Variants in NLRC3 observed in about 807,000 individuals in gnomAD.
NLRC3 encodes NLR family CARD domain-containing protein 3.
A neutral mutation model predicts 91.6 loss-of-function variants in NLRC3; 87 were observed. The ratio of observed to expected loss-of-function variants is 0.95; its 90% CI spans 0.80 to 1.14. The LOEUF is 1.14. Among genes scored for constraint, NLRC3 ranks in the 50% most tolerant of loss-of-function variants. The pLI is 0.00. For missense variants in NLRC3, 1,577 were observed against 1,418.6 expected, an observed-to-expected ratio of 1.11 and a Z score of -1.79; for synonymous variants, 694 against 625.3, an observed-to-expected ratio of 1.11 and a Z score of -1.64.
At chr16:3,561,090 G>T (rs966960447) in intron 6 of NLRC3, among the ~76,000 whole-genome samples, 4 of 151,530 alleles carry the variant, frequency 2.6e-5, no homozygotes, top group Non-Finnish European at 4.4e-5. Context: ...AGTAGCTCAC[G>T]CCAGTAATCC....
chr16:3,543,796 A>G (rs908655111), intron 16 of NLRC3: 1 of 441,414 alleles, frequency 2.3e-6, no homozygotes, highest in Non-Finnish European at 4.1e-6. Flanking sequence ...TTGAGCCCCC[A>G]ACTGCTAATA....
chr16:3,564,655 C>T lies in NLRC3; in HGVS notation c.282G>A (p.Glu94=), dbSNP rs117535120. ...WHRLASLLLV[E]GLTDLQLREH... is the part of the protein sequence containing the mutation. ...CCCTCAGCTGCAGGTCCGTCAGGCC[C>T]TCCACCAGCAGGAGGGAGGCCAGCC... The change falls in exon 5 of 20, where the codon GAG becomes GAA. Residue 94 remains glutamate, a synonymous_variant. Coordinates refer to ENST00000359128, the MANE Select transcript of NLRC3 (RefSeq NM_178844.4). This position sits in a 1 kb window ranked among gnomAD's most constrained non-coding sequence, Gnocchi z 5.9. 21 of 1,606,146 alleles carry T rather than the reference C, an allele frequency of 1.3e-5. No individual in the cohort carries two copies. The East Asian group carries it at 4.2e-4, about 32-fold the overall frequency.
At chr16:3,569,387 TA>T (rs2040007110) in intron 1 of NLRC3, among the ~76,000 whole-genome samples, 16 of 109,102 alleles carry the variant, frequency 1.5e-4, no homozygotes, top group African/African-American at 6.1e-4. Flanking sequence ...TATATATATA[TA>T]TATATATTAT....
chr16:3,565,468 GCAAAAAAAA>G, intron 2 of NLRC3, 88 bp from the exon 3 acceptor site: 1 of 5,984 alleles, frequency 1.7e-4, no homozygotes. Context: ...GTGGGAAAAA[GCAAAAAAAA>G]AAAAAAAAAA....
chr16:3,542,141 G>C, intron 19 of NLRC3, 50 bp downstream of exon 19: 3 of 1,315,542 alleles, frequency 2.3e-6, no homozygotes, highest in African/African-American at 1.5e-5. Context: ...AAGGCAGTGC[G>C]CCACCTGGAA....
At position 3,543,510 on chromosome 16, in the gene NLRC3, TG is replaced by T; in HGVS notation, c.2856-3del. 6.2e-7 allele frequency: 1 copy of T among 1,611,276 alleles called. No individual in the cohort carries two copies. The highest frequency in any genetic ancestry group is 8.5e-7 in the Non-Finnish European group (1 of 1,178,770). On this transcript the variant is annotated splice_polypyrimidine_tract_variant and splice_region_variant and intron_variant, in intron 16 of 19. Transcript: ENST00000359128. ...GCACCAATTGAGGCCACCTGGAGAC[TG>T]GGGCGGAGAGGGTGCCGTCAGTGTG...
Position 3,561,739 on chromosome 16 carries a change from C to A in NLRC3, c.1978G>T (p.Val660Leu). ...QDPVMELLGS[V>L]LSGKDCRIQK... ...ATGCGACAGTCCTTCCCACTCAGCA[C>A]GCTGCCCAGCAGCTCCATCACGGGG... The change falls in exon 6 of 20, where the codon GTG (valine) becomes TTG (leucine). Residue 660 changes from valine (V) to leucine (L), a missense_variant. Coordinates refer to ENST00000359128, the MANE Select transcript of NLRC3 (RefSeq NM_178844.4). 1 of 1,613,594 alleles carries A rather than the reference C, an allele frequency of 6.2e-7. No homozygotes were observed. Among genetic ancestry groups the A allele is most frequent in the Non-Finnish European group, 8.5e-7 (1 of 1,179,690 alleles).
chr16:3,561,874 A>G, intron 5 of NLRC3, 86 bp from the exon 6 acceptor site: 6 of 895,432 alleles, frequency 6.7e-6, no homozygotes, highest in South Asian at 6.6e-5. Context: ...GCCTCTCTCC[A>G]TCCCATGCAG....
At position 3,543,453 on chromosome 16, in the gene NLRC3, C is replaced by G; in HGVS notation, c.2911G>C (p.Ala971Pro). 1 of 1,613,022 alleles carries G rather than the reference C, an allele frequency of 6.2e-7. No individual in the cohort carries two copies. Among genetic ancestry groups the G allele is most frequent in the Non-Finnish European group, 8.5e-7 (1 of 1,179,444 alleles). ...AGAATCTCCAAGGTTCTGTTCACAG[C>G]CAAGGCTTCCCCTAGCACCTGGGCG... is the stretch of plus-strand genomic sequence containing the variant. ...SGAQVLGEAL[A>P]VNRTLEILDL... is the part of the protein sequence containing the mutation. Residue 971 changes from alanine (A) to proline (P), a missense_variant, in exon 17 of 20, where the codon GCT (alanine) becomes CCT (proline). Coordinates refer to ENST00000359128, the MANE Select transcript of NLRC3 (RefSeq NM_178844.4).
At position 3,546,584 on chromosome 16, in the gene NLRC3, G is replaced by T. The variant is rs2038704047; in HGVS notation, c.2771+1551C>A. On this transcript the variant is annotated intron_variant, in intron 15 of 19. Coordinates refer to ENST00000359128, the MANE Select transcript of NLRC3 (RefSeq NM_178844.4). Reference sequence around the variant, plus strand: ...AAATAAAATAAAAGTTATAGAAAAGGAAGTGGGAGGTGAGAGTGAAGGTCT... The same window carrying T: ...AAATAAAATAAAAGTTATAGAAAAGTAAGTGGGAGGTGAGAGTGAAGGTCT... Among the ~76,000 whole-genome samples the T allele has an allele frequency of 3.9e-5, 6 of 152,122 alleles. No homozygotes were observed. The South Asian group carries it at 1.2e-3, about 32-fold the overall frequency.
At chr16:3,547,761 TGAGTTTAAGC>T (rs1354207101) in intron 15 of NLRC3, among the ~76,000 whole-genome samples, 1 of 152,128 alleles carries the variant, frequency 6.6e-6, no homozygotes, top group African/African-American at 2.4e-5. Flanking sequence ...CTGTGCCTCC[TGAGTTTAAGC>T]GATTCTCCTG....
At position 3,563,949 on chromosome 16, in the gene NLRC3, C is replaced by G. The variant is rs764464248; in HGVS notation, c.988G>C (p.Ala330Pro). Residue 330 changes from alanine (A) to proline (P), a missense_variant, in exon 5 of 20, where the codon GCC becomes CCC. By Grantham distance (27) the Ala-to-Pro change is conservative. Coordinates refer to ENST00000359128, the MANE Select transcript of NLRC3 (RefSeq NM_178844.4). ...GCCATCCCCGTGAGCCTGCAGAAGG[C>G]TGGGACGGTGCACATCAGGTACAGG... is the stretch of plus-strand genomic sequence containing the variant. ...RALYLMCTVPAFCRLTGMALG... is the reference protein window; with the variant it reads ...RALYLMCTVPPFCRLTGMALG... 6.3e-7 allele frequency: 1 copy of G among 1,597,628 alleles called. No homozygotes were observed. Among genetic ancestry groups the G allele is most frequent in the Non-Finnish European group, 8.5e-7 (1 of 1,174,398 alleles).
Position 3,540,402 on chromosome 16 carries a change from T to C in NLRC3, c.*1423A>G, listed in dbSNP as rs2038348938. On this transcript the variant is annotated 3_prime_UTR_variant, in exon 20 of 20. Coordinates refer to ENST00000359128, the MANE Select transcript of NLRC3 (RefSeq NM_178844.4). ...AGCTGTTGATGTCCATTTGGATTTT[T>C]TTCCCTCCAACACAAACAGCTGCAG... 6.6e-6 allele frequency: 1 copy of C among 152,256 alleles called. No individual in the cohort carries two copies. Among genetic ancestry groups the C allele is most frequent in the Non-Finnish European group, 1.5e-5 (1 of 68,048 alleles). 9.4% of individuals were successfully genotyped at this position (152,256 alleles called of 1,614,324 possible). A position where few individuals can be genotyped will look rare whatever the true frequency, so the allele number is the denominator to read the frequency against.
At position 3,563,211 on chromosome 16, in the gene NLRC3, G is replaced by T; in HGVS notation, c.1726C>A (p.His576Asn). 1 of 1,599,596 alleles carries T rather than the reference G, an allele frequency of 6.3e-7. No individual in the cohort carries two copies. ...TCCACGCTGCGGGCCAGCTCGGTGT[G>T]CTGCAGCTCATGCAGGCAGTGCAAC... ...NVLHCLHELQ[H>N]TELARSVEEA... is the part of the protein sequence containing the mutation. Residue 576 changes from histidine (H) to asparagine (N), a missense_variant, in exon 5 of 20, where the codon CAC (histidine) becomes AAC (asparagine). Transcript: ENST00000359128.
rs779098185 is a variant in NLRC3, at chr16:3,544,309, C to T, written c.2792G>A (p.Gly931Glu). The change falls in exon 16 of 20, where the codon GGG becomes GAG. Residue 931 changes from glycine (G) to glutamate (E), a missense_variant. Gly to Glu is a moderately conservative substitution (Grantham distance 98, BLOSUM62 -2). Coordinates refer to ENST00000359128, the MANE Select transcript of NLRC3 (RefSeq NM_178844.4). ...TSLDLQENAI[G>E]DDGACAVARA... ...GGCCACCGCACACGCTCCGTCATCCCCGATGGCGTTCTCCTGTAAACTAGA... is the reference window on the plus strand; with the variant it reads ...GGCCACCGCACACGCTCCGTCATCCTCGATGGCGTTCTCCTGTAAACTAGA... The T allele has an allele frequency of 6.2e-7, 1 of 1,613,082 alleles. No homozygotes were observed. The highest frequency in any genetic ancestry group is 1.1e-5 in the South Asian group (1 of 91,062).
Position 3,548,211 on chromosome 16 carries a change from A to C in NLRC3, c.2695T>G (p.Trp899Gly). ...GCAGCGCCGGCCTGGATGAAGTTCCACTGCAGGCTGGGCAGACACAGACAC... is the reference window on the plus strand; with the variant it reads ...GCAGCGCCGGCCTGGATGAAGTTCCCCTGCAGGCTGGGCAGACACAGACAC... ...NRTLTSLHLQ[W>G]NFIQAGAAQA... The change falls in exon 15 of 20, where the codon TGG becomes GGG. Residue 899 changes from tryptophan (W) to glycine (G), a missense_variant. By Grantham distance (184) the Trp-to-Gly change is radical. Transcript: ENST00000359128. 6.3e-7 allele frequency: 1 copy of C among 1,591,222 alleles called. No individual in the cohort carries two copies. Among genetic ancestry groups the C allele is most frequent in the Non-Finnish European group, 8.6e-7 (1 of 1,168,824 alleles).
In NLRC3 at chr16:3,543,379, T is replaced by G. The variant is rs115194589; in HGVS notation, c.2939+46A>C. 3.2e-4 allele frequency: 419 copies of G among 1,317,076 alleles called. No individual in the cohort carries two copies. The African/African-American group carries it at 5.6e-3, about 17-fold the overall frequency. The allele number at this position is 1,317,076 out of a possible 1,614,324, so 81.6% of individuals were successfully genotyped here. Reference sequence around the variant, plus strand: ...CCATATCTATTCATTGAGAATTCATTGATTTCTTTGGGCTAAAGACCATAG... The same window carrying G: ...CCATATCTATTCATTGAGAATTCATGGATTTCTTTGGGCTAAAGACCATAG... On this transcript the variant is annotated intron_variant, in intron 17 of 19. Transcript: ENST00000359128.
intron 1 of NLRC3, among the ~76,000 whole-genome samples, chr16:3,569,385 T>C (rs1225704422): frequency 4.5e-5 from 5 of 110,256 alleles, no homozygotes; most frequent in Non-Finnish European, 7.1e-5. Context: ...TATATATATA[T>C]ATATATATAT....
In NLRC3 at chr16:3,564,968, C is replaced by T. The variant is rs1215844170; in HGVS notation, c.69G>A (p.Glu23=). 6.2e-7 allele frequency: 1 copy of T among 1,610,568 alleles called. No individual in the cohort carries two copies. Among genetic ancestry groups the T allele is most frequent in the Non-Finnish European group, 8.5e-7 (1 of 1,179,746 alleles). Reference sequence around the variant, plus strand: ...GCAGATCCATGAGGGCTTTCACCTGCTCGGCTGGGGAGCCCGTACCGTGGC... The same window carrying T: ...GCAGATCCATGAGGGCTTTCACCTGTTCGGCTGGGGAGCCCGTACCGTGGC... ...GQGHGTGSPA[E]QVKALMDLLA... is the part of the protein sequence containing the mutation. Residue 23 remains glutamate (E), a synonymous_variant, in exon 4 of 20, where the codon GAG becomes GAA. Transcript: ENST00000359128. This position sits in a 1 kb window ranked among gnomAD's most constrained non-coding sequence, Gnocchi z 5.9.
Sources: allele counts gnomAD v4.1 joint callset (sites outside exome capture counted in the v4.1 genomes callset), GRCh38; gene constraint gnomAD v4.1.1; non-coding constraint Gnocchi (gnomAD v3.1); transcripts MANE v1.5; gene names NCBI Gene and HGNC (gene_info 2026-07-23, HGNC 2026-07-21).